Variants in RPS6KA2 observed in about 807,000 individuals in gnomAD.
The protein encoded by RPS6KA2 is ribosomal protein S6 kinase A2.
Under a neutral mutation model 91.8 loss-of-function variants are expected in RPS6KA2, and 42 were observed. That is an observed-to-expected ratio of 0.46 (90% CI 0.36 to 0.59). The LOEUF (loss-of-function observed/expected upper bound fraction) is 0.59. Among genes scored for constraint, RPS6KA2 ranks in the 20% least tolerant of loss-of-function variants. RPS6KA2 has a pLI of 0.00. For synonymous variants in RPS6KA2, 414 were observed against 393.6 expected (o/e 1.05, Z -0.61); for missense variants, 798 against 978.5 (o/e 0.82, Z 2.46).
intron 17 of RPS6KA2, among the ~76,000 whole-genome samples, chr6:166,421,754 T>C (rs1378118699): frequency 6.6e-6 from 1 of 152,228 alleles, no homozygotes; most frequent in Non-Finnish European, 1.5e-5. Context: ...CTCTTGTTAA[T>C]CTGTCTTTTG....
At chr6:166,831,004 A>C (rs1780170310) in intron 2 of RPS6KA2, among the ~76,000 whole-genome samples, 1 of 152,098 alleles carries the variant, frequency 6.6e-6, no homozygotes, top group Admixed American at 6.5e-5. Context: ...TTCTGCAACG[A>C]AGGCCTCCCT....
intron 1 of RPS6KA2, among the ~76,000 whole-genome samples, chr6:166,576,064 G>C (rs975791243): frequency 6.6e-6 from 1 of 152,162 alleles, no homozygotes; most frequent in Non-Finnish European, 1.5e-5. Context: ...CAGGAGATGT[G>C]ATGGGTTTAT....
At chr6:166,576,187 G>A (rs759060766) in intron 1 of RPS6KA2, among the ~76,000 whole-genome samples, 3 of 152,212 alleles carry the variant, frequency 2.0e-5, no homozygotes, top group Non-Finnish European at 4.4e-5. Context: ...GGAACTGTAA[G>A]TCCAATTAAA....
chr6:166,723,288 G>C (rs1250541006), intron 2 of RPS6KA2, among the ~76,000 whole-genome samples: 1 of 152,234 alleles, frequency 6.6e-6, no homozygotes, highest in Non-Finnish European at 1.5e-5. Flanking sequence ...ACCAGCTGAG[G>C]TGCCGCAGTG....
intron 2 of RPS6KA2, among the ~76,000 whole-genome samples, chr6:166,744,445 C>G (rs1790920105): frequency 6.6e-6 from 1 of 152,216 alleles, no homozygotes; most frequent in South Asian, 2.1e-4. Flanking sequence ...TGGGGGTAGG[C>G]TGGGTCCCGG....
chr6:166,446,930 T>C (rs1779698745), intron 14 of RPS6KA2, among the ~76,000 whole-genome samples: 1 of 152,178 alleles, frequency 6.6e-6, no homozygotes, highest in Non-Finnish European at 1.5e-5. Flanking sequence ...ACGAAGCACA[T>C]GTGAAATACG....
At chr6:166,474,381 A>T (rs909709961) in intron 10 of RPS6KA2, among the ~76,000 whole-genome samples, 2 of 152,228 alleles carry the variant, frequency 1.3e-5, no homozygotes, top group African/African-American at 2.4e-5. Context: ...CGCCTGGCTT[A>T]GGTGATGGGC....
At chr6:166,532,422 C>CTAGAGGCA (rs1188024614) in intron 2 of RPS6KA2, among the ~76,000 whole-genome samples, 1 of 152,216 alleles carries the variant, frequency 6.6e-6, no homozygotes, top group Non-Finnish European at 1.5e-5. Flanking sequence ...AGCGTCTATT[C>CTAGAGGCA]TAGAGGCACA....
intron 11 of RPS6KA2, among the ~76,000 whole-genome samples, chr6:166,468,856 T>TCCGCCTCAAAAAAAAAA (rs567161437): frequency 2.3e-4 from 26 of 112,146 alleles, no homozygotes; most frequent in African/African-American, 7.3e-4. Context: ...AGAGCGAGAC[T>TCCGCCTCAAAAAAAAAA]AAAAAAAAAA....
intron 12 of RPS6KA2, among the ~76,000 whole-genome samples, chr6:166,455,123 C>T (rs1047070999): frequency 3.9e-5 from 6 of 152,126 alleles, no homozygotes; most frequent in Non-Finnish European, 7.3e-5. Context: ...TTCTTCCCCC[C>T]CTCGTCTGTT....
At chr6:166,513,023 C>T (rs902480068) in intron 3 of RPS6KA2, among the ~76,000 whole-genome samples, 33 of 152,128 alleles carry the variant, frequency 2.2e-4, no homozygotes, top group African/African-American at 6.5e-4. Context: ...TGGGCCACAC[C>T]GGAAAAACTG....
intron 8 of RPS6KA2, among the ~76,000 whole-genome samples, chr6:166,497,096 C>T (rs905613424): frequency 6.6e-6 from 1 of 152,190 alleles, no homozygotes; most frequent in Non-Finnish European, 1.5e-5. Context: ...CTAAAGAAAA[C>T]CTCTTTCAGT....
rs576147061 is a variant in RPS6KA2, at chr6:166,635,518, C to T, written c.124-96734G>A. On this transcript the variant is annotated intron_variant, in intron 2 of 21. Coordinates refer to the RPS6KA2 transcript ENST00000503859. This position sits in a 1 kb window ranked among gnomAD's most constrained non-coding sequence, Gnocchi z 4.8. ...TACACAGGGACAGACAAGGGTGTTCCGTCAGGGAAGCTCAGGCTAAAGGCC... is the reference window on the plus strand; with the variant it reads ...TACACAGGGACAGACAAGGGTGTTCTGTCAGGGAAGCTCAGGCTAAAGGCC... Among the ~76,000 whole-genome samples, 4 of 152,318 alleles carry T rather than the reference C, an allele frequency of 2.6e-5. No homozygotes were observed. The highest frequency in any genetic ancestry group is 2.1e-4 in the South Asian group (1 of 4,828).
chr6:166,707,259 C>A (rs1342748151), intron 2 of RPS6KA2, among the ~76,000 whole-genome samples: 1 of 152,228 alleles, frequency 6.6e-6, no homozygotes, highest in African/African-American at 2.4e-5. Flanking sequence ...AGCCCGGCAG[C>A]CACGCAGCCC....
intron 20 of RPS6KA2, among the ~76,000 whole-genome samples, 169 bp from the exon 21 acceptor site, chr6:166,413,056 C>T (rs1229476386): frequency 1.3e-5 from 2 of 152,092 alleles, no homozygotes; most frequent in African/African-American, 2.4e-5. Context: ...CAGGGGCCAG[C>T]ACACGTGGGC....
chr6:166,777,388 C>T (rs1483626773), intron 2 of RPS6KA2, among the ~76,000 whole-genome samples: 8 of 152,142 alleles, frequency 5.3e-5, no homozygotes, highest in Non-Finnish European at 8.8e-5. Context: ...AAACCCAGAA[C>T]TCCGCTGAAG....
intron 2 of RPS6KA2, among the ~76,000 whole-genome samples, chr6:166,646,946 G>A (rs9295359): frequency 0.18 from 27,372 of 152,052 alleles, 2,825 homozygotes; most frequent in African/African-American, 0.27. Context: ...TCAGCTGCTC[G>A]CATTCCCACT....
intron 10 of RPS6KA2, among the ~76,000 whole-genome samples, chr6:166,486,362 G>A (rs989055234): frequency 6.6e-6 from 1 of 152,136 alleles, no homozygotes; most frequent in African/African-American, 2.4e-5. Context: ...CTCCCCTCTG[G>A]TCCTGAGTGC....
At position 166,678,789 on chromosome 6, in the gene RPS6KA2, C is replaced by A. The variant is rs1041121749; in HGVS notation, c.124-140005G>T. Among the ~76,000 whole-genome samples, 4 of 152,228 alleles carry A rather than the reference C, an allele frequency of 2.6e-5. No homozygotes were observed. In the East Asian group the frequency reaches 7.7e-4, roughly 29 times the overall value. On this transcript the variant is annotated intron_variant, in intron 2 of 21. Transcript: ENST00000503859. Reference sequence around the variant, plus strand: ...TGGCCTCTGAAGTCTCGATCCCCCGCATTTCTGCTGCGCCTTGAGCCCCCT... The same window carrying A: ...TGGCCTCTGAAGTCTCGATCCCCCGAATTTCTGCTGCGCCTTGAGCCCCCT...
Sources: allele counts gnomAD v4.1 joint callset (sites outside exome capture counted in the v4.1 genomes callset), GRCh38; gene constraint gnomAD v4.1.1; non-coding constraint Gnocchi (gnomAD v3.1); transcripts MANE v1.5; gene names NCBI Gene and HGNC (gene_info 2026-07-23, HGNC 2026-07-21).